The following ABCG8 variants were observed in gnomAD, a reference collection of about 807,000 sequenced individuals.
ABCG8 encodes the protein ATP-binding cassette sub-family G member 8.
ABCG8 carries 81 observed loss-of-function variants against 71.3 expected under a neutral mutation model. The ratio of observed to expected loss-of-function variants is 1.14; its 90% CI spans 0.95 to 1.37. The LOEUF is 1.37. Ranked by LOEUF, ABCG8 falls within the 40% of genes most tolerant of loss-of-function variation. ABCG8 has a pLI of 0.00. For synonymous variants in ABCG8, 451 were observed against 354.7 expected (o/e 1.27, Z -3.05); for missense variants, 1,119 against 866.2 (o/e 1.29, Z -3.66).
In ABCG8 at chr2:43,851,591, G is replaced by A. The variant is rs764929713; in HGVS notation, c.330G>A (p.Gly110=). Residue 110 remains glycine (G), a synonymous_variant, in exon 4 of 13, where the codon GGG becomes GGA. Transcript: ENST00000272286. ...MLAIIGSSGC[G]RASLLDVITG... is the part of the protein sequence containing the mutation. Reference sequence around the variant, plus strand: ...TCCCTGGTGGCTTTGCAGGTTGTGGGAGAGCCTCCTTGCTAGATGTGATCA... The same window carrying A: ...TCCCTGGTGGCTTTGCAGGTTGTGGAAGAGCCTCCTTGCTAGATGTGATCA... 1 of 1,614,224 alleles carries A rather than the reference G, an allele frequency of 6.2e-7. No homozygotes were observed. The highest frequency in any genetic ancestry group is 8.5e-7 in the Non-Finnish European group (1 of 1,180,036).
At chr2:43,863,717 A>T (rs930728088) in intron 6 of ABCG8, among the ~76,000 whole-genome samples, 2 of 151,264 alleles carry the variant, frequency 1.3e-5, no homozygotes, top group African/African-American at 4.8e-5. Flanking sequence ...TAGAATACTC[A>T]CCATTTGGAT....
chr2:43,872,398 G>A, intron 8 of ABCG8, 92 bp downstream of exon 8: 5 of 1,380,780 alleles, frequency 3.6e-6, no homozygotes, highest in Non-Finnish European at 5.0e-6. Flanking sequence ...GAATTTAAAG[G>A]AGAAAGTGAG....
In ABCG8 at chr2:43,878,010, T is replaced by G; in HGVS notation, c.*97T>G. 1 of 1,570,262 alleles carries G rather than the reference T, an allele frequency of 6.4e-7. No homozygotes were observed. The highest frequency in any genetic ancestry group is 1.4e-5 in the African/African-American group (1 of 74,034). On this transcript the variant is annotated 3_prime_UTR_variant, in exon 13 of 13. Transcript: ENST00000272286. ...CCCTTCCTGGGGACAGTGAGGACAA[T>G]GACCCTACAGATGCTCAGCTACATC...
intron 11 of ABCG8, among the ~76,000 whole-genome samples, chr2:43,876,005 C>T (rs1389887282): frequency 2.0e-5 from 3 of 152,160 alleles, no homozygotes; most frequent in Non-Finnish European, 4.4e-5. Flanking sequence ...ATCTCTTCTG[C>T]CAGGGCTTTC....
intron 1 of ABCG8, among the ~76,000 whole-genome samples, chr2:43,841,640 G>GCC (rs1269742212): frequency 1.3e-5 from 2 of 152,158 alleles, no homozygotes; most frequent in African/African-American, 4.8e-5. Flanking sequence ...GCCCACACCT[G>GCC]CCTTCCCAGG....
intron 6 of ABCG8, among the ~76,000 whole-genome samples, chr2:43,858,301 T>A (rs1349085985): frequency 6.6e-6 from 1 of 151,530 alleles, no homozygotes; most frequent in Non-Finnish European, 1.5e-5. Context: ...ATTCTTATTC[T>A]CTGGATAAAA....
At position 43,878,362 on chromosome 2, in the gene ABCG8, A is replaced by G. The variant is rs1475493419; in HGVS notation, c.*449A>G. 2 of 280,458 alleles carry G rather than the reference A, an allele frequency of 7.1e-6. No homozygotes were observed. The highest frequency in any genetic ancestry group is 1.4e-5 in the Non-Finnish European group (2 of 142,082). The allele number at this position is 280,458 out of a possible 1,614,324, so 17.4% of individuals were successfully genotyped here. A position where few individuals can be genotyped will look rare whatever the true frequency, so the allele number is the denominator to read the frequency against. ...CTCCGTGGTGAGCCACCATCAATAC[A>G]GAAAGTGACCTAAGATGTACCAGCA... On this transcript the variant is annotated 3_prime_UTR_variant, in exon 13 of 13. Coordinates refer to ENST00000272286, the MANE Select transcript of ABCG8 (RefSeq NM_022437.3).
chr2:43,846,237 C>T lies in ABCG8; in HGVS notation c.248C>T (p.Ser83Phe), dbSNP rs778176983. 1.9e-6 allele frequency: 3 copies of T among 1,614,166 alleles called. No individual in the cohort carries two copies. The highest frequency in any genetic ancestry group is 3.3e-5 in the Admixed American group (2 of 60,024). The change falls in exon 3 of 13, where the codon TCT becomes TTT. Residue 83 changes from serine (S) to phenylalanine (F), a missense_variant. Ser to Phe is a radical substitution (Grantham distance 155). Coordinates refer to ENST00000272286, the MANE Select transcript of ABCG8 (RefSeq NM_022437.3). ...TGGACATCTCCCAGCTGCCAGAATT[C>T]TTGTGAGCTGGGCATCCAGAACCTA... ...MPWTSPSCQNSCELGIQNLSF... is the reference protein window; with the variant it reads ...MPWTSPSCQNFCELGIQNLSF...
In ABCG8 at chr2:43,847,738, G is replaced by A. The variant is rs183788852; in HGVS notation, c.322+1427G>A. The stretch of plus-strand genomic sequence containing the variant: ...AGGAATGAATAAATTACACTGAATA[G>A]TCTCCTGTTTTGTTTTTTTTGTTGT... On this transcript the variant is annotated intron_variant, in intron 3 of 12. Coordinates refer to ENST00000272286, the MANE Select transcript of ABCG8 (RefSeq NM_022437.3). 615 of 151,982 alleles carry A rather than the reference G, an allele frequency of 4.0e-3. 7 individuals are homozygous for A. Among genetic ancestry groups the A allele is most frequent in the Middle Eastern group, 0.024 (7 of 294 alleles). The allele number at this position is 151,982 out of a possible 1,614,324, so 9.4% of individuals were successfully genotyped here.
At chr2:43,855,292 A>G (rs1029985060) in intron 6 of ABCG8, among the ~76,000 whole-genome samples, 4 of 151,964 alleles carry the variant, frequency 2.6e-5, no homozygotes, top group East Asian at 1.9e-4. Flanking sequence ...AACTCTCACT[A>G]TCTATCGAGA....
At chr2:43,846,698 A>G (rs1473687269) in intron 3 of ABCG8, 9 of 319,848 alleles carry the variant, frequency 2.8e-5, no homozygotes, top group Admixed American at 4.3e-5. Context: ...GATTATGGCC[A>G]GACAGCCCCT....
chr2:43,846,423 A>C (rs964535042), intron 3 of ABCG8, 112 bp downstream of exon 3: 1 of 1,466,232 alleles, frequency 6.8e-7, no homozygotes, highest in Non-Finnish European at 9.5e-7. Flanking sequence ...AGAATAATAC[A>C]GCAGAATGGC....
intron 6 of ABCG8, among the ~76,000 whole-genome samples, chr2:43,858,920 A>T (rs1669207780): frequency 6.6e-6 from 1 of 151,564 alleles, no homozygotes; most frequent in African/African-American, 2.4e-5. Flanking sequence ...CACCCTCTGG[A>T]TACAACTCTC....
intron 8 of ABCG8, among the ~76,000 whole-genome samples, chr2:43,873,471 C>T (rs113146575): frequency 9.9e-5 from 15 of 152,248 alleles, no homozygotes; most frequent in East Asian, 1.9e-4. Context: ...GGATTACAAG[C>T]GTGAGCCACC....
At chr2:43,854,810 C>T (rs1204479558) in intron 6 of ABCG8, among the ~76,000 whole-genome samples, 1 of 152,094 alleles carries the variant, frequency 6.6e-6, no homozygotes, top group Non-Finnish European at 1.5e-5. Context: ...CCTTTTCTGG[C>T]ATTGCCAGGG....
intron 6 of ABCG8, among the ~76,000 whole-genome samples, chr2:43,868,275 C>G (rs1669606077): frequency 6.6e-6 from 1 of 152,096 alleles, no homozygotes. Flanking sequence ...GGATAAAACT[C>G]TCACTGTCTG....
intron 11 of ABCG8, among the ~76,000 whole-genome samples, chr2:43,876,829 C>G (rs538758597): frequency 7.1e-6 from 1 of 140,158 alleles, no homozygotes; most frequent in Middle Eastern, 4.5e-3. Context: ...TGGGGGAGAC[C>G]ATGTCAATAT....
Position 43,877,885 on chromosome 2 carries a change from T to C in ABCG8, c.1994T>C (p.Ile665Thr). Residue 665 changes from isoleucine to threonine, a missense_variant, in exon 13 of 13, where the codon ATC (isoleucine) becomes ACC (threonine). Transcript: ENST00000272286. ...MVLYYVSLRFIKQKPSQDW is the reference protein window; with the variant it reads ...MVLYYVSLRFTKQKPSQDW ...CTGTACTACGTGTCCTTAAGGTTCA[T>C]CAAACAGAAACCAAGTCAAGACTGG... is the stretch of plus-strand genomic sequence containing the variant. 2 of 1,614,084 alleles carry C rather than the reference T, an allele frequency of 1.2e-6. No homozygotes were observed. Among genetic ancestry groups the C allele is most frequent in the Non-Finnish European group, 1.7e-6 (2 of 1,180,010 alleles).
intron 1 of ABCG8, among the ~76,000 whole-genome samples, chr2:43,840,852 C>G (rs570642999): frequency 6.6e-6 from 1 of 152,248 alleles, no homozygotes; most frequent in South Asian, 2.1e-4. Flanking sequence ...GCATTGCAGC[C>G]CTGCCCTGCA....
Sources: allele counts gnomAD v4.1 joint callset (sites outside exome capture counted in the v4.1 genomes callset), GRCh38; gene constraint gnomAD v4.1.1; transcripts MANE v1.5; gene names NCBI Gene and HGNC (gene_info 2026-07-23, HGNC 2026-07-21).